The following MRAP2 variants were observed in gnomAD, a reference collection of about 807,000 sequenced individuals.
MRAP2 encodes the protein melanocortin-2 receptor accessory protein 2.
Under a neutral mutation model 17.4 loss-of-function variants are expected in MRAP2, and 20 were observed. That is an observed-to-expected ratio of 1.15 (90% confidence interval 0.81 to 1.67). MRAP2 has a LOEUF of 1.67. Ranked by LOEUF, MRAP2 falls within the 40% of genes most tolerant of loss-of-function variation. The pLI is 0.00. For missense variants in MRAP2, 238 were observed against 240.0 expected (o/e 0.99, Z 0.05); for synonymous variants, 96 against 88.4 (o/e 1.09, Z -0.48).
the MRAP2 span, among the ~76,000 whole-genome samples, chr6:84,100,844 G>C: frequency 2.0e-5 from 3 of 152,008 alleles, no homozygotes; most frequent in Non-Finnish European, 2.9e-5. Context: ...TGAAAAACTA[G>C]TTTTATACTT....
chr6:84,067,649 T>C (rs2099495095), intron 3 of MRAP2, among the ~76,000 whole-genome samples: 1 of 152,234 alleles, frequency 6.6e-6, no homozygotes, highest in South Asian at 2.1e-4. Context: ...TTAAGCATTT[T>C]TTCATATATC....
chr6:84,073,777 T>C (rs1205729224), intron 3 of MRAP2, among the ~76,000 whole-genome samples: 5 of 152,196 alleles, frequency 3.3e-5, no homozygotes, highest in Non-Finnish European at 7.3e-5. Flanking sequence ...CCTGGGATTA[T>C]TGTAAACCAA....
chr6:84,124,643 G>C, the MRAP2 span: 1 of 215,960 alleles, frequency 4.6e-6, no homozygotes. Flanking sequence ...TTAATATTTG[G>C]ATGATGGGTA....
chr6:84,043,973 A>G (rs879877606), intron 1 of MRAP2, among the ~76,000 whole-genome samples: 3 of 152,120 alleles, frequency 2.0e-5, no homozygotes, highest in Admixed American at 6.6e-5. Context: ...ACATTTTGTA[A>G]ATGTTTTCTT....
chr6:84,039,040 A>G (rs1249148510), intron 1 of MRAP2, among the ~76,000 whole-genome samples: 9 of 152,218 alleles, frequency 5.9e-5, no homozygotes, highest in Admixed American at 5.9e-4. Flanking sequence ...TGACAAAGGA[A>G]GACTTAGAGG....
upstream of MRAP2, chr6:84,033,685 C>A (rs901844550): frequency 5.1e-6 from 5 of 985,070 alleles, no homozygotes; most frequent in African/African-American, 3.5e-5. Flanking sequence ...AGGCGGCTCC[C>A]GCGCTGCAGC....
chr6:84,143,825 G>T, the MRAP2 span, among the ~76,000 whole-genome samples: 6 of 151,916 alleles, frequency 3.9e-5, no homozygotes, highest in East Asian at 1.9e-4. Context: ...GATTATAAAA[G>T]ATTTTCTTTA....
At chr6:84,119,357 TTTG>T in the MRAP2 span, among the ~76,000 whole-genome samples, 142 of 152,334 alleles carry the variant, frequency 9.3e-4, 1 homozygote, top group Admixed American at 3.2e-3. Flanking sequence ...CACCTAAGTT[TTTG>T]TTGTTGTTGT....
chr6:84,035,897 T>C (rs1461910213), intron 1 of MRAP2, among the ~76,000 whole-genome samples: 1 of 152,248 alleles, frequency 6.6e-6, no homozygotes, highest in Non-Finnish European at 1.5e-5. Flanking sequence ...AGTTCATAGA[T>C]AACTTTTATC....
At chr6:84,092,673 A>G (rs1040709335), downstream of MRAP2, among the ~76,000 whole-genome samples, 1 of 152,196 alleles carries the variant, frequency 6.6e-6, no homozygotes, top group Non-Finnish European at 1.5e-5. Context: ...GGCCCCCTGT[A>G]TACACCAAAA....
chr6:84,045,658 G>T (rs544613644), intron 1 of MRAP2, among the ~76,000 whole-genome samples: 4 of 152,238 alleles, frequency 2.6e-5, no homozygotes, highest in African/African-American at 9.6e-5. Context: ...AGCTACTCAG[G>T]AGGCTGAAGC....
chr6:84,087,831 T>G (rs1017203835), intron 3 of MRAP2, among the ~76,000 whole-genome samples: 3 of 152,190 alleles, frequency 2.0e-5, no homozygotes, highest in Non-Finnish European at 4.4e-5. Context: ...ATTTCTTGCT[T>G]GATGTCACCC....
chr6:84,047,265 A>G (rs1411519149), intron 1 of MRAP2, among the ~76,000 whole-genome samples: 1 of 152,080 alleles, frequency 6.6e-6, no homozygotes, highest in African/African-American at 2.4e-5. Context: ...ATCTCAGCTC[A>G]CTGCAGTCTC....
the MRAP2 span, among the ~76,000 whole-genome samples, chr6:84,109,212 G>A: frequency 6.6e-6 from 1 of 152,188 alleles, no homozygotes; most frequent in Non-Finnish European, 1.5e-5. Context: ...TGTGAAGAAT[G>A]TCAAAGGTAG....
the MRAP2 span, among the ~76,000 whole-genome samples, chr6:84,132,023 G>A: frequency 6.6e-6 from 1 of 152,162 alleles, no homozygotes; most frequent in African/African-American, 2.4e-5. Context: ...AGGAGCTCTT[G>A]TAAGGCATGC....
the MRAP2 span, among the ~76,000 whole-genome samples, chr6:84,107,646 A>G: frequency 0.14 from 21,276 of 152,204 alleles, 4,230 homozygotes; most frequent in African/African-American, 0.45. Flanking sequence ...TGCTGGCCTT[A>G]CCAGCTGAAA....
intron 2 of MRAP2, among the ~76,000 whole-genome samples, chr6:84,056,647 A>G (rs1276738874): frequency 1.3e-5 from 2 of 152,172 alleles, no homozygotes; most frequent in African/African-American, 4.8e-5. Context: ...TTTTTCTAGG[A>G]TAACCTTTAT....
chr6:84,084,405 G>A (rs73752629), intron 3 of MRAP2, among the ~76,000 whole-genome samples: 24,158 of 152,112 alleles, frequency 0.16, 2,048 homozygotes, highest in Middle Eastern at 0.24. Context: ...TAACTTTTAT[G>A]AACATTTATG....
intron 3 of MRAP2, 88 bp from the exon 4 acceptor site, chr6:84,089,003 G>C: frequency 6.9e-7 from 1 of 1,444,056 alleles, no homozygotes; most frequent in Non-Finnish European, 9.3e-7. Flanking sequence ...GTGGAAATGT[G>C]CTGGCCTGCC....
Sources: allele counts gnomAD v4.1 joint callset (sites outside exome capture counted in the v4.1 genomes callset), GRCh38; gene constraint gnomAD v4.1.1; transcripts MANE v1.5; gene names NCBI Gene and HGNC (gene_info 2026-07-23, HGNC 2026-07-21).